The following CEACAM18 variants were observed in gnomAD, a reference collection of about 807,000 sequenced individuals.
CEACAM18 encodes the protein cell adhesion molecule CEACAM18.
A neutral mutation model predicts 34.3 loss-of-function variants in CEACAM18; 33 were observed. The observed-to-expected ratio is 0.96, with a 90% CI of 0.73 to 1.29. CEACAM18 has a LOEUF of 1.29. CEACAM18 is among the 50% of genes most tolerant of loss of function. CEACAM18 has a pLI of 0.00. For missense variants in CEACAM18, 474 were observed against 485.0 expected (o/e 0.98, Z 0.21); for synonymous variants, 169 against 180.9 (o/e 0.93, Z 0.53).
chr19:51,482,198 C>T (rs1209537450), intron 3 of CEACAM18, among the ~76,000 whole-genome samples: 1 of 151,988 alleles, frequency 6.6e-6, no homozygotes, highest in East Asian at 1.9e-4. Context: ...TAGCTGCCTA[C>T]CGGGGCAAGT....
intron 5 of CEACAM18, among the ~76,000 whole-genome samples, chr19:51,489,562 A>G (rs1990056512): frequency 6.6e-6 from 1 of 152,108 alleles, no homozygotes; most frequent in African/African-American, 2.4e-5. Context: ...TTTAGAAGAT[A>G]CATCTTCAAT....
At chr19:51,481,343 G>T (rs748858416) in intron 2 of CEACAM18, 50 bp from the exon 3 acceptor site, 12 of 1,076,718 alleles carry the variant, frequency 1.1e-5, no homozygotes, top group Admixed American at 2.2e-5. Flanking sequence ...AGCAGAGCTT[G>T]GGGAAGCAGA....
At chr19:51,490,794 G>A (rs370906777) in exon 6 of CEACAM18, 12 of 424,188 alleles carry the variant, frequency 2.8e-5, no homozygotes, top group Non-Finnish European at 4.0e-5. Flanking sequence ...TCCAGTAGGA[G>A]GTCTGCAGAC....
chr19:51,483,794 G>C (rs763126922), intron 4 of CEACAM18, among the ~76,000 whole-genome samples: 1 of 152,210 alleles, frequency 6.6e-6, no homozygotes, highest in Non-Finnish European at 1.5e-5. Context: ...CGCAGGGACG[G>C]GATGGGTGGA....
chr19:51,483,129 T>C (rs1394702219), exon 4 of CEACAM18: 2 of 1,613,962 alleles, frequency 1.2e-6, no homozygotes, highest in Admixed American at 1.7e-5. Flanking sequence ...CCTTCCTGGA[T>C]CTCAAGTACC....
At chr19:51,486,461 A>G (rs1397494812) in intron 5 of CEACAM18, among the ~76,000 whole-genome samples, 1 of 152,034 alleles carries the variant, frequency 6.6e-6, no homozygotes, top group Admixed American at 6.5e-5. Flanking sequence ...GCTGTTTCTT[A>G]GGGGATTTTC....
At chr19:51,486,291 C>T (rs1264492194) in intron 5 of CEACAM18, among the ~76,000 whole-genome samples, 4 of 152,142 alleles carry the variant, frequency 2.6e-5, no homozygotes, top group Non-Finnish European at 4.4e-5. Context: ...CTAATGATGA[C>T]GGTAGCAAAT....
intron 5 of CEACAM18, among the ~76,000 whole-genome samples, 166 bp from the exon 6 acceptor site, chr19:51,490,421 T>C (rs1218077903): frequency 6.6e-6 from 1 of 152,146 alleles, no homozygotes; most frequent in East Asian, 1.9e-4. Context: ...GGACTCTCGG[T>C]GCAGAGGTGC....
At chr19:51,489,810 T>G (rs1161984541) in intron 5 of CEACAM18, among the ~76,000 whole-genome samples, 1 of 152,222 alleles carries the variant, frequency 6.6e-6, no homozygotes, top group African/African-American at 2.4e-5. Flanking sequence ...AGTAAGCACT[T>G]CATAAAATCT....
intron 5 of CEACAM18, among the ~76,000 whole-genome samples, chr19:51,486,219 G>C (rs1040453724): frequency 6.6e-6 from 1 of 152,082 alleles, no homozygotes; most frequent in African/African-American, 2.4e-5. Flanking sequence ...GATGACAATG[G>C]TGATGATGAT....
At chr19:51,491,145 C>T (rs2122198463), downstream of CEACAM18, among the ~76,000 whole-genome samples, 1 of 152,322 alleles carries the variant, frequency 6.6e-6, no homozygotes, top group Non-Finnish European at 1.5e-5. Context: ...AGTGAGGCTC[C>T]CTCACCTGGA....
intron 1 of CEACAM18, among the ~76,000 whole-genome samples, chr19:51,479,314 T>C (rs1165207278): frequency 6.6e-6 from 1 of 152,202 alleles, no homozygotes; most frequent in African/African-American, 2.4e-5. Context: ...CAACTGCCCA[T>C]GTCATATGTG....
intron 4 of CEACAM18, among the ~76,000 whole-genome samples, chr19:51,483,774 A>G (rs1337376019): frequency 6.6e-6 from 1 of 152,220 alleles, no homozygotes; most frequent in African/African-American, 2.4e-5. Context: ...AAGATGAGGA[A>G]TTAGAAAGAC....
chr19:51,483,953 G>T (rs1445443656), intron 4 of CEACAM18, among the ~76,000 whole-genome samples: 6 of 152,178 alleles, frequency 3.9e-5, no homozygotes, highest in African/African-American at 1.4e-4. Flanking sequence ...CTGCAGAGGA[G>T]TGCAGCAGGT....
Position 51,480,708 on chromosome 19 carries a change from A to G in CEACAM18, c.400+28A>G, listed in dbSNP as rs754769204. The G allele has an allele frequency of 6.3e-6, 10 of 1,576,236 alleles. No individual in the cohort carries two copies. The South Asian group carries it at 1.0e-4, about 16-fold the overall frequency. On this transcript the variant is annotated intron_variant, in intron 2 of 5. Transcript: ENST00000396477. ...GGGTTAGCAGGTGCTGTGTTTCCCA[A>G]CCCCCAAGGAGAGCTAGATGTGACA...
intron 4 of CEACAM18, among the ~76,000 whole-genome samples, chr19:51,484,607 G>A (rs1989970124): frequency 9.8e-6 from 1 of 102,534 alleles, no homozygotes; most frequent in African/African-American, 3.1e-5. Context: ...CTCAGTGCTT[G>A]GCACAGTGTG....
chr19:51,486,579 A>C (rs556787029), intron 5 of CEACAM18, among the ~76,000 whole-genome samples: 1 of 152,258 alleles, frequency 6.6e-6, no homozygotes, highest in East Asian at 1.9e-4. Context: ...TCTAGGGGCC[A>C]GTCTCCTTCA....
chr19:51,482,918 G>A, intron 3 of CEACAM18, 99 bp from the exon 4 acceptor site: 1 of 1,439,932 alleles, frequency 6.9e-7, no homozygotes, highest in South Asian at 1.3e-5. Flanking sequence ...GTTAGCCCGA[G>A]GTGCACAATG....
chr19:51,484,593 T>G lies in CEACAM18; in HGVS notation c.954-394T>G, dbSNP rs568950470. 3.7e-5 allele frequency among the ~76,000 whole-genome samples: 4 copies of G among 107,568 alleles called. No homozygotes were observed. In the South Asian group the frequency reaches 1.2e-3, roughly 33 times the overall value. 70.6% of individuals were successfully genotyped at this position (107,568 alleles called of 152,430 possible). ...TTGGGCGAGCTTTCTGTTTTCCATT[T>G]GTCCTCAGTGCTTGGCACAGTGTGT... On this transcript the variant is annotated intron_variant, in intron 4 of 5. Transcript: ENST00000396477.
Sources: gnomAD v4.1 joint callset for allele counts (sites outside exome capture counted in the v4.1 genomes callset) on GRCh38, gnomAD v4.1.1 for gene constraint, MANE v1.5 for transcripts, NCBI Gene and HGNC (gene_info 2026-07-23, HGNC 2026-07-21) for gene names.